Variants in GSE1 observed in about 807,000 individuals in gnomAD.
GSE1 encodes Gse1 coiled-coil protein.
In GSE1, 32 loss-of-function variants were observed where a neutral mutation model predicts 112.6. The ratio of observed to expected loss-of-function variants is 0.28; its 90% CI spans 0.21 to 0.38. The LOEUF (loss-of-function observed/expected upper bound fraction) is 0.38. Ranked by LOEUF, GSE1 falls within the 10% of genes least tolerant of loss-of-function variation. GSE1 has a pLI of 1.00. For missense variants in GSE1, 2,348 were observed against 1,699.2 expected (o/e 1.38, Z -6.71); for synonymous variants, 1,115 against 735.6 (o/e 1.52, Z -8.35).
At chr16:85,567,912 C>G (rs145593388) in intron 1 of GSE1, among the ~76,000 whole-genome samples, 6 of 151,982 alleles carry the variant, frequency 3.9e-5, no homozygotes, top group Non-Finnish European at 7.4e-5. Flanking sequence ...TTTGTAGAGA[C>G]AGAGTCTTCT....
intron 1 of GSE1, among the ~76,000 whole-genome samples, chr16:85,264,450 A>G (rs1908028826): frequency 2.0e-5 from 3 of 152,002 alleles, no homozygotes; most frequent in African/African-American, 2.4e-5. Flanking sequence ...TTCCGGGCCC[A>G]GTCTTGATTT....
At chr16:85,493,900 G>A (rs576870991) in intron 2 of GSE1, among the ~76,000 whole-genome samples, 88 of 150,878 alleles carry the variant, frequency 5.8e-4, no homozygotes, top group African/African-American at 2.1e-3. Flanking sequence ...CGCAATATAA[G>A]TGAGACCTTG....
At chr16:85,653,890 G>T (rs973391342) in intron 3 of GSE1, among the ~76,000 whole-genome samples, 1 of 152,208 alleles carries the variant, frequency 6.6e-6, no homozygotes, top group African/African-American at 2.4e-5. Flanking sequence ...AACGGTGTCT[G>T]CTTCCCCGGG....
At chr16:85,555,731 T>C, upstream of GSE1, 1 of 960,292 alleles carries the variant, frequency 1.0e-6, no homozygotes, top group Non-Finnish European at 1.2e-6. Flanking sequence ...TGGAAACAGG[T>C]CTCTTGACCC....
At chr16:85,457,892 C>T (rs751743594) in intron 2 of GSE1, among the ~76,000 whole-genome samples, 1 of 152,200 alleles carries the variant, frequency 6.6e-6, no homozygotes, top group Non-Finnish European at 1.5e-5. Flanking sequence ...GGAGGCTTTC[C>T]ATACACTGCC....
At chr16:85,227,883 A>G (rs2075516156) in intron 1 of GSE1, among the ~76,000 whole-genome samples, 1 of 152,182 alleles carries the variant, frequency 6.6e-6, no homozygotes, top group Non-Finnish European at 1.5e-5. Context: ...GGAGGGCCCT[A>G]CCTTCACGGG....
chr16:85,613,131 A>G, upstream of GSE1: 2 of 1,199,014 alleles, frequency 1.7e-6, no homozygotes, highest in African/African-American at 1.6e-5. Flanking sequence ...TTTGCGGCTG[A>G]AACCCGACAC....
intron 1 of GSE1, among the ~76,000 whole-genome samples, chr16:85,254,487 G>A (rs1412941052): frequency 2.6e-5 from 4 of 152,288 alleles, no homozygotes; most frequent in Non-Finnish European, 2.9e-5. Flanking sequence ...CCCCCCACTC[G>A]GAGAGGTCCC....
At chr16:85,345,094 C>T (rs2046707181) in intron 1 of GSE1, among the ~76,000 whole-genome samples, 1 of 45,422 alleles carries the variant, frequency 2.2e-5, no homozygotes, top group Non-Finnish European at 4.1e-5. Flanking sequence ...CCCTCCTAAA[C>T]CCCAGGCCTC....
intron 2 of GSE1, among the ~76,000 whole-genome samples, chr16:85,471,822 C>T (rs964976639): frequency 6.6e-6 from 1 of 152,130 alleles, no homozygotes; most frequent in Non-Finnish European, 1.5e-5. Context: ...ATGATCTTCC[C>T]GCCTCAGCCT....
At chr16:85,484,698 C>G (rs1344455759) in intron 2 of GSE1, among the ~76,000 whole-genome samples, 2 of 152,230 alleles carry the variant, frequency 1.3e-5, no homozygotes, top group African/African-American at 4.8e-5. Flanking sequence ...TAACCTCCTT[C>G]AATTGCACAG....
upstream of GSE1, among the ~76,000 whole-genome samples, chr16:85,611,830 T>A (rs1228063076): frequency 6.9e-6 from 1 of 145,608 alleles, no homozygotes; most frequent in Non-Finnish European, 1.5e-5. Flanking sequence ...CGCCCAGCGC[T>A]CGCTCCCGTC....
intron 2 of GSE1, among the ~76,000 whole-genome samples, chr16:85,636,903 A>G (rs2050048482): frequency 6.6e-6 from 1 of 150,852 alleles, no homozygotes; most frequent in Non-Finnish European, 1.5e-5. Flanking sequence ...GGACATGTGG[A>G]CCCCCCAGCT....
intron 6 of GSE1, 45 bp downstream of exon 6, chr16:85,655,962 C>T: frequency 1.4e-6 from 2 of 1,480,774 alleles, no homozygotes; most frequent in Non-Finnish European, 1.8e-6. Flanking sequence ...CTCCCTGTCC[C>T]TTGATGGCAG....
At position 85,331,323 on chromosome 16, in the gene GSE1, CTGTGTGTGTGTGTGTGTGTG is replaced by C. The variant is rs71151278; in HGVS notation, c.2284-26116_2284-26097del. Reference sequence around the variant, plus strand: ...ACATGCCACCATGCCCAGCTAATTTCTGTGTGTGTGTGTGTGTGTGTGTGTGTGTGTGTGTGTGTGTGTAT... The same window carrying C: ...ACATGCCACCATGCCCAGCTAATTTCTGTGTGTGTGTGTGTGTGTGTGTAT... On this transcript the variant is annotated intron_variant, in intron 1 of 2. Coordinates refer to the GSE1 transcript ENST00000637419. Among the ~76,000 whole-genome samples the C allele has an allele frequency of 8.3e-5, 7 of 84,518 alleles. 1 individual carries two copies. Among genetic ancestry groups the C allele is most frequent in the Non-Finnish European group, 1.5e-4 (6 of 40,332 alleles). 55.4% of individuals were successfully genotyped at this position (84,518 alleles called of 152,430 possible).
chr16:85,204,399 A>C (rs566997253), intron 1 of GSE1, among the ~76,000 whole-genome samples: 1 of 152,302 alleles, frequency 6.6e-6, no homozygotes, highest in South Asian at 2.1e-4. Flanking sequence ...AGTGTGAGTA[A>C]TGCTGCTGTG....
intron 2 of GSE1, among the ~76,000 whole-genome samples, chr16:85,464,962 G>A (rs1460885186): frequency 1.3e-5 from 2 of 152,180 alleles, no homozygotes; most frequent in Non-Finnish European, 2.9e-5. Context: ...CACTGGCTTC[G>A]TGCCCTCTCG....
intron 15 of GSE1, chr16:85,672,090 C>G: frequency 3.2e-6 from 1 of 308,532 alleles, no homozygotes; most frequent in Non-Finnish European, 6.5e-6. Context: ...CCTCCGCCTC[C>G]TGGGTTCAAG....
intron 13 of GSE1, 65 bp downstream of exon 13, chr16:85,666,412 CGCCACAGCTGCTCA>C: frequency 6.5e-7 from 1 of 1,546,542 alleles, no homozygotes; most frequent in Non-Finnish European, 8.9e-7. Context: ...AGTTGCTGAG[CGCCACAGCTGCTCA>C]GCCGTTCAGC....
Sources: allele counts gnomAD v4.1 joint callset (sites outside exome capture counted in the v4.1 genomes callset), GRCh38; gene constraint gnomAD v4.1.1; transcripts MANE v1.5; gene names NCBI Gene and HGNC (gene_info 2026-07-23, HGNC 2026-07-21).